CLEC2A: variants seen among roughly 807,000 people sequenced by gnomAD.
The protein encoded by CLEC2A is C-type lectin domain family 2 member A.
Under a neutral mutation model 18.6 loss-of-function variants are expected in CLEC2A, and 19 were observed. The observed-to-expected ratio is 1.02, with a 90% CI of 0.71 to 1.50. The LOEUF (loss-of-function observed/expected upper bound fraction) is 1.50. Ranked by LOEUF, CLEC2A falls within the 40% of genes most tolerant of loss-of-function variation. The pLI is 0.00. For synonymous variants in CLEC2A, 74 were observed against 64.0 expected (o/e 1.16, Z -0.75); for missense variants, 190 against 207.9 (o/e 0.91, Z 0.53).
At chr12:9,902,116 A>G (rs113926088) in intron 4 of CLEC2A, among the ~76,000 whole-genome samples, 227 of 152,296 alleles carry the variant, frequency 1.5e-3, no homozygotes, top group African/African-American at 5.3e-3. Context: ...CTGTTCTTAC[A>G]TACCTTGCTT....
intron 4 of CLEC2A, among the ~76,000 whole-genome samples, chr12:9,906,555 C>A (rs1208981623): frequency 6.6e-6 from 1 of 152,162 alleles, no homozygotes; most frequent in Non-Finnish European, 1.5e-5. Context: ...GTATGAGCTA[C>A]CTCAAAGGAG....
intron 4 of CLEC2A, among the ~76,000 whole-genome samples, chr12:9,905,085 C>T (rs769643243): frequency 1.3e-5 from 2 of 152,074 alleles, no homozygotes; most frequent in Non-Finnish European, 2.9e-5. Context: ...ACATTGATGA[C>T]GAGGTGACTT....
chr12:9,879,327 C>G, the CLEC2A span, among the ~76,000 whole-genome samples: 1 of 152,158 alleles, frequency 6.6e-6, no homozygotes, highest in Admixed American at 6.5e-5. Flanking sequence ...AGGCAAAGCT[C>G]TTCGCAGACC....
chr12:9,926,171 G>C (rs2137053215), intron 2 of CLEC2A, 89 bp downstream of exon 2: 1 of 775,668 alleles, frequency 1.3e-6, no homozygotes, highest in African/African-American at 1.8e-5. Context: ...AATCACTCTA[G>C]ATGTGGGAGA....
chr12:9,927,130 A>G (rs754054742), intron 1 of CLEC2A, among the ~76,000 whole-genome samples: 1 of 152,110 alleles, frequency 6.6e-6, no homozygotes, highest in African/African-American at 2.4e-5. Context: ...TTGTTGGAAC[A>G]TCATAGAATG....
chr12:9,932,166 C>A (rs1863385842), intron 1 of CLEC2A, 109 bp downstream of exon 1: 1 of 803,626 alleles, frequency 1.2e-6, no homozygotes, highest in South Asian at 1.6e-5. Flanking sequence ...CCATCCCTCA[C>A]TTACTTTAGT....
At position 9,916,886 on chromosome 12, in the gene CLEC2A, T is replaced by C. The variant is rs1474564376; in HGVS notation, c.307-83A>G. The C allele has an allele frequency of 8.9e-6, 7 of 786,976 alleles. No homozygotes were observed. The East Asian group carries it at 1.4e-4, about 15-fold the overall frequency. The allele number at this position is 786,976 out of a possible 1,614,324, so 48.7% of individuals were successfully genotyped here. A position where few individuals can be genotyped will look rare whatever the true frequency, so the allele number is the denominator to read the frequency against. The stretch of plus-strand genomic sequence containing the variant: ...CATGCTTCCCACCCCAATTATTCTA[T>C]CTTTTAGGATTCACATTCTAATTTG... On this transcript the variant is annotated intron_variant, in intron 3 of 4. Coordinates refer to ENST00000455827, the MANE Select transcript of CLEC2A (RefSeq NM_001130711.2).
intron 2 of CLEC2A, among the ~76,000 whole-genome samples, chr12:9,923,729 C>G (rs1001878266): frequency 1.1e-4 from 16 of 152,112 alleles, no homozygotes; most frequent in Non-Finnish European, 2.2e-4. Flanking sequence ...ACATATACAC[C>G]ATGGAATACT....
intron 2 of CLEC2A, among the ~76,000 whole-genome samples, chr12:9,922,611 A>T (rs1360151966): frequency 2.0e-5 from 3 of 152,198 alleles, no homozygotes; most frequent in Non-Finnish European, 4.4e-5. Flanking sequence ...GCTTTCCTTT[A>T]CCTATGAAAA....
the CLEC2A span, among the ~76,000 whole-genome samples, chr12:9,888,559 A>C: frequency 6.6e-6 from 1 of 152,288 alleles, no homozygotes; most frequent in East Asian, 1.9e-4. Flanking sequence ...GTAAAAACAG[A>C]TATGGCGAAA....
chr12:9,902,697 ATT>A (rs548065563), intron 4 of CLEC2A, among the ~76,000 whole-genome samples: 224 of 152,200 alleles, frequency 1.5e-3, no homozygotes, highest in African/African-American at 5.3e-3. Context: ...AAGAACCAGC[ATT>A]GAGACAAAGG....
downstream of CLEC2A, chr12:9,895,872 C>T (rs1862750918): frequency 6.8e-7 from 1 of 1,481,082 alleles, no homozygotes; most frequent in African/African-American, 1.4e-5. Context: ...CATGTTAAAG[C>T]AGAGCTAGAT....
At chr12:9,886,781 A>AAG in the CLEC2A span, among the ~76,000 whole-genome samples, 33 of 145,168 alleles carry the variant, frequency 2.3e-4, no homozygotes, top group East Asian at 1.6e-3. Flanking sequence ...AAAAAAAAAA[A>AAG]AGAGAGAAGA....
chr12:9,891,181 A>G, the CLEC2A span, among the ~76,000 whole-genome samples: 1 of 152,118 alleles, frequency 6.6e-6, no homozygotes, highest in Non-Finnish European at 1.5e-5. Context: ...AACTAAGTGT[A>G]TATAAGGTGC....
chr12:9,881,529 G>A, the CLEC2A span: 1 of 1,176,726 alleles, frequency 8.5e-7, no homozygotes, highest in Non-Finnish European at 1.2e-6. Flanking sequence ...ACATATCCAA[G>A]GTTGAGATTA....
chr12:9,886,579 A>T, the CLEC2A span, among the ~76,000 whole-genome samples: 1 of 152,170 alleles, frequency 6.6e-6, no homozygotes, highest in South Asian at 2.1e-4. Context: ...ATGGAGGTCT[A>T]AAACAAGGTA....
chr12:9,926,447 A>G, intron 1 of CLEC2A, 104 bp from the exon 2 acceptor site: 1 of 711,482 alleles, frequency 1.4e-6, no homozygotes, highest in Admixed American at 2.2e-5. Flanking sequence ...GGAAACCCTC[A>G]ATCAAGTACA....
chr12:9,880,431 G>A, the CLEC2A span, among the ~76,000 whole-genome samples: 1 of 152,140 alleles, frequency 6.6e-6, no homozygotes, highest in South Asian at 2.1e-4. Flanking sequence ...ATGTGCTGTG[G>A]GAAACAGTCA....
At chr12:9,899,531 A>G (rs1862796782) in intron 4 of CLEC2A, among the ~76,000 whole-genome samples, 1 of 152,318 alleles carries the variant, frequency 6.6e-6, no homozygotes, top group Middle Eastern at 3.4e-3. Context: ...TTCCTAGCAG[A>G]TACCCAGGGT....
Sources: allele counts gnomAD v4.1 joint callset (sites outside exome capture counted in the v4.1 genomes callset), GRCh38; gene constraint gnomAD v4.1.1; transcripts MANE v1.5; gene names NCBI Gene and HGNC (gene_info 2026-07-23, HGNC 2026-07-21).